ARIH1: variants seen among roughly 807,000 people sequenced by gnomAD.
The protein encoded by ARIH1 is E3 ubiquitin-protein ligase ARIH1.
In ARIH1, 8 loss-of-function variants were observed where a neutral mutation model predicts 85.0. That is an observed-to-expected ratio of 0.09 (90% confidence interval 0.06 to 0.17). The LOEUF is 0.17. Ranked by LOEUF, ARIH1 falls within the 10% of genes least tolerant of loss-of-function variation. ARIH1 has a pLI of 1.00. For missense variants in ARIH1, 311 were observed against 718.1 expected, an observed-to-expected ratio of 0.43 and a Z score of 6.48; for synonymous variants, 238 against 253.6, an observed-to-expected ratio of 0.94 and a Z score of 0.59.
chr15:72,528,074 T>TA lies in ARIH1; in HGVS notation c.443+9950dup, dbSNP rs150680685. 2.1e-3 allele frequency among the ~76,000 whole-genome samples: 310 copies of TA among 148,174 alleles called. 2 individuals are homozygous for TA. The highest frequency in any genetic ancestry group is 0.016 in the South Asian group (74 of 4,716). On this transcript the variant is annotated intron_variant, in intron 2 of 13. Transcript: ENST00000379887. ...GAGCTACTTTTAAGTTGATAACAAG[T>TA]AAAAAAAAAAGTGTCTTTCTTGCAG...
chr15:72,597,252 T>C lies in ARIH1; in HGVS notation c.*13960T>C, dbSNP rs969176064. ...GGGCTTCACTGCAGTTTTAGTTTGATTCAGTTTGCCTCTAGCTTCAAATAT... is the reference window on the plus strand; with the variant it reads ...GGGCTTCACTGCAGTTTTAGTTTGACTCAGTTTGCCTCTAGCTTCAAATAT... On this transcript the variant is annotated 3_prime_UTR_variant, in exon 14 of 14. Transcript: ENST00000379887. The C allele has an allele frequency of 2.6e-5, 4 of 152,074 alleles. No individual in the cohort carries two copies. Among genetic ancestry groups the C allele is most frequent in the East Asian group, 1.9e-4 (1 of 5,192 alleles). 9.4% of individuals were successfully genotyped at this position (152,074 alleles called of 1,614,324 possible). A position where few individuals can be genotyped will look rare whatever the true frequency, so the allele number is the denominator to read the frequency against.
chr15:72,542,985 G>T (rs2064114570), intron 2 of ARIH1, among the ~76,000 whole-genome samples: 2 of 150,446 alleles, frequency 1.3e-5, no homozygotes, highest in African/African-American at 4.9e-5. Flanking sequence ...CTAGAGTGCA[G>T]TGCAGTGGCA....
chr15:72,546,456 C>T (rs567974812), intron 3 of ARIH1, among the ~76,000 whole-genome samples: 1 of 152,086 alleles, frequency 6.6e-6, no homozygotes, highest in Non-Finnish European at 1.5e-5. Flanking sequence ...TTGGCTTTAG[C>T]GGGAGGTAAG....
intron 5 of ARIH1, among the ~76,000 whole-genome samples, chr15:72,560,340 C>T (rs1234661067): frequency 6.6e-6 from 1 of 152,144 alleles, no homozygotes; most frequent in African/African-American, 2.4e-5. Flanking sequence ...GGAAAGGCTT[C>T]CTTGAGTAAT....
intron 2 of ARIH1, among the ~76,000 whole-genome samples, chr15:72,543,691 TC>T (rs1207391562): frequency 3.3e-5 from 5 of 152,190 alleles, no homozygotes; most frequent in African/African-American, 1.2e-4. Flanking sequence ...ATTGGAAATT[TC>T]TTTTGAGTAT....
intron 1 of ARIH1, among the ~76,000 whole-genome samples, chr15:72,482,458 A>G (rs1169655838): frequency 1.3e-5 from 2 of 152,292 alleles, no homozygotes; most frequent in African/African-American, 4.8e-5. Flanking sequence ...TGGGTGGATA[A>G]AAAAGAGGAA....
At chr15:72,510,454 A>C (rs182116071) in intron 1 of ARIH1, among the ~76,000 whole-genome samples, 1 of 152,252 alleles carries the variant, frequency 6.6e-6, no homozygotes, top group Admixed American at 6.5e-5. Context: ...GCTAAAGTAC[A>C]TTTTAAAAAT....
rs1428704420 is a variant in ARIH1 at position 72,600,640 on chromosome 15, CT to C, written c.*17349del. 6.6e-6 allele frequency: 1 copy of C among 152,216 alleles called. No homozygotes were observed. Among genetic ancestry groups the C allele is most frequent in the Admixed American group, 6.5e-5 (1 of 15,284 alleles). The allele number at this position is 152,216 out of a possible 1,614,324, so 9.4% of individuals were successfully genotyped here. A position where few individuals can be genotyped will look rare whatever the true frequency, so the allele number is the denominator to read the frequency against. ...TCAAGCAATCCTCCTGCCTCAGCAT[CT>C]CAAAGTGTTGGGATTACAGGTGTGA... On this transcript the variant is annotated 3_prime_UTR_variant, in exon 14 of 14. Coordinates refer to ENST00000379887, the MANE Select transcript of ARIH1 (RefSeq NM_005744.5).
At chr15:72,505,274 ATAAAG>A (rs2063919962) in intron 1 of ARIH1, among the ~76,000 whole-genome samples, 1 of 152,240 alleles carries the variant, frequency 6.6e-6, no homozygotes, top group Non-Finnish European at 1.5e-5. Context: ...ACAGTTATAA[ATAAAG>A]GTAATATTTT....
intron 1 of ARIH1, among the ~76,000 whole-genome samples, chr15:72,496,449 G>A (rs565690309): frequency 2.0e-5 from 3 of 152,276 alleles, no homozygotes; most frequent in African/African-American, 7.2e-5. Context: ...GGTGCAGAAA[G>A]CCTTCTATGG....
chr15:72,539,979 G>A (rs2064099354), intron 2 of ARIH1, among the ~76,000 whole-genome samples: 3 of 152,136 alleles, frequency 2.0e-5, no homozygotes, highest in Admixed American at 2.0e-4. Context: ...AAAACAATGG[G>A]CCGGGCACGG....
At chr15:72,581,162 A>G (rs2064293739) in intron 12 of ARIH1, among the ~76,000 whole-genome samples, 171 bp downstream of exon 12, 1 of 152,138 alleles carries the variant, frequency 6.6e-6, no homozygotes, top group Non-Finnish European at 1.5e-5. Context: ...CCTAAATTAT[A>G]TTCAGATCGA....
At chr15:72,481,106 TTA>T (rs1197074684) in intron 1 of ARIH1, among the ~76,000 whole-genome samples, 5 of 152,248 alleles carry the variant, frequency 3.3e-5, no homozygotes, top group African/African-American at 1.2e-4. Flanking sequence ...TTTGAAGTTA[TTA>T]AAGTGTTTGA....
At chr15:72,546,070 C>G (rs1307681682) in intron 3 of ARIH1, among the ~76,000 whole-genome samples, 1 of 152,004 alleles carries the variant, frequency 6.6e-6, no homozygotes, top group East Asian at 1.9e-4. Flanking sequence ...ACTATGCTAC[C>G]CAGGCTGGAG....
chr15:72,588,975 T>C lies in ARIH1; in HGVS notation c.*5683T>C, dbSNP rs1294538474. ...CTTAAGAGTTTACAAGTTTCTCATG[T>C]CTATCATTCTTTTGATAATCTTGTA... On this transcript the variant is annotated 3_prime_UTR_variant, in exon 14 of 14. Transcript: ENST00000379887. 6.6e-6 allele frequency: 1 copy of C among 152,212 alleles called. No homozygotes were observed. The allele number at this position is 152,212 out of a possible 1,614,324, so 9.4% of individuals were successfully genotyped here.
At chr15:72,496,042 C>G (rs939430534) in intron 1 of ARIH1, among the ~76,000 whole-genome samples, 3 of 152,240 alleles carry the variant, frequency 2.0e-5, no homozygotes, top group East Asian at 3.9e-4. Flanking sequence ...TCCTGAGCAG[C>G]TGGGACTACA....
In ARIH1 at chr15:72,583,400, A is replaced by G; in HGVS notation, c.*108A>G. On this transcript the variant is annotated 3_prime_UTR_variant, in exon 14 of 14. Transcript: ENST00000379887. The stretch of plus-strand genomic sequence containing the variant: ...GAGGCACTAAGCCTATTCTGACACC[A>G]CTGGTCTGTAGTACCAGAATTGTTT... 3.9e-6 allele frequency: 3 copies of G among 777,894 alleles called. No individual in the cohort carries two copies. Among genetic ancestry groups the G allele is most frequent in the Admixed American group, 2.4e-5 (1 of 42,082 alleles). The allele number at this position is 777,894 out of a possible 1,614,324, so 48.2% of individuals were successfully genotyped here. A position where few individuals can be genotyped will look rare whatever the true frequency, so the allele number is the denominator to read the frequency against.
intron 1 of ARIH1, among the ~76,000 whole-genome samples, chr15:72,513,436 T>A (rs2063958557): frequency 6.6e-6 from 1 of 152,180 alleles, no homozygotes; most frequent in Non-Finnish European, 1.5e-5. Context: ...GTCGTATGTG[T>A]TATGTCTAGA....
intron 1 of ARIH1, among the ~76,000 whole-genome samples, chr15:72,494,724 G>A (rs138653179): frequency 6.6e-6 from 1 of 151,972 alleles, no homozygotes; most frequent in East Asian, 1.9e-4. Context: ...TGGGAGAGTA[G>A]TGAGTAATCC....
Sources: gnomAD v4.1 joint callset for allele counts (sites outside exome capture counted in the v4.1 genomes callset) on GRCh38, gnomAD v4.1.1 for gene constraint, MANE v1.5 for transcripts, NCBI Gene and HGNC (gene_info 2026-07-23, HGNC 2026-07-21) for gene names.